The following GNL1 variants were observed in gnomAD, a reference collection of about 807,000 sequenced individuals.
The protein encoded by GNL1 is guanine nucleotide-binding protein-like 1.
A neutral mutation model predicts 75.2 loss-of-function variants in GNL1; 21 were observed. The ratio of observed to expected loss-of-function variants is 0.28; its 90% CI spans 0.20 to 0.40. GNL1 has a LOEUF of 0.40. Ranked by LOEUF, GNL1 falls within the 10% of genes least tolerant of loss-of-function variation. GNL1 has a pLI of 1.00. For synonymous variants in GNL1, 287 were observed against 303.4 expected (o/e 0.95, Z 0.56); for missense variants, 579 against 775.0 (o/e 0.75, Z 3.00).
rs5875263 is a variant in GNL1 at position 30,548,995 on chromosome 6, G to GTT, written c.1100-1467_1100-1466dup. 0.035 allele frequency among the ~76,000 whole-genome samples: 5,286 copies of GTT among 151,654 alleles called. 207 individuals are homozygous for GTT. Among genetic ancestry groups the GTT allele is most frequent in the African/African-American group, 0.094 (3,881 of 41,332 alleles). On this transcript the variant is annotated intron_variant, in intron 8 of 11. Coordinates refer to ENST00000376621, the MANE Select transcript of GNL1 (RefSeq NM_005275.5). This position sits in a 1 kb window ranked among gnomAD's most constrained non-coding sequence, Gnocchi z 4.2. The stretch of plus-strand genomic sequence containing the variant: ...GTGACAACATGTTCCATCTGTCCTT[G>GTT]TTTTTTTTGTTTTTGTTTTTGAGAC...
chr6:30,544,342 A>G lies in GNL1; in HGVS notation c.*1730T>C, dbSNP rs1799333864. 1 of 152,260 alleles carries G rather than the reference A, an allele frequency of 6.6e-6. No homozygotes were observed. The highest frequency in any genetic ancestry group is 6.5e-5 in the Admixed American group (1 of 15,282). The allele number at this position is 152,260 out of a possible 1,614,324, so 9.4% of individuals were successfully genotyped here. A position where few individuals can be genotyped will look rare whatever the true frequency, so the allele number is the denominator to read the frequency against. On this transcript the variant is annotated 3_prime_UTR_variant, in exon 12 of 12. Transcript: ENST00000376621. ...ACAAGCAAAGATAAACAGCACAGGA[A>G]GCAGAGGTACAAATAGAATTCTGAT...
rs1799574526 is a variant in GNL1, at chr6:30,548,498, C to T, written c.1100-968G>A. ...TTGACCCCTGACCTTAACACAGTAA[C>T]ACTATGCAATACCCAACTCGTGTCC... On this transcript the variant is annotated intron_variant, in intron 8 of 11. Transcript: ENST00000376621. This position sits in a 1 kb window ranked among gnomAD's most constrained non-coding sequence, Gnocchi z 4.2. 6.6e-6 allele frequency among the ~76,000 whole-genome samples: 1 copy of T among 152,172 alleles called. No homozygotes were observed. Among genetic ancestry groups the T allele is most frequent in the Non-Finnish European group, 1.5e-5 (1 of 68,032 alleles).
At position 30,547,436 on chromosome 6, in the gene GNL1, A is replaced by G; in HGVS notation, c.1194T>C (p.Phe398=). 10 of 1,614,012 alleles carry G rather than the reference A, an allele frequency of 6.2e-6. No homozygotes were observed. The highest frequency in any genetic ancestry group is 8.5e-6 in the Non-Finnish European group (10 of 1,179,952). The change falls in exon 9 of 12, where the codon TTT becomes TTC. Residue 398 remains phenylalanine (F), a synonymous_variant. Coordinates refer to ENST00000376621, the MANE Select transcript of GNL1 (RefSeq NM_005275.5). The surrounding 1 kb of genome is among the most constrained non-coding windows in gnomAD (Gnocchi z 5.5). ...CAGAGGGGGTAAGAAAGTAGGTCTG[A>G]AAGTATCGGGTATGGCCCGGGGTTC... The part of the protein sequence containing the change: ...VSRTPGHTRY[F]QTYFLTPSVK...
rs375873464 is a variant in GNL1 at position 30,546,821 on chromosome 6, C to T, written c.1457G>A (p.Arg486His). Residue 486 changes from arginine (R) to histidine (H), a missense_variant, in exon 11 of 12, where the codon CGT becomes CAT. Physicochemically the swap from Arg to His is conservative, Grantham distance 29. Coordinates refer to ENST00000376621, the MANE Select transcript of GNL1 (RefSeq NM_005275.5). This position sits in a 1 kb window ranked among gnomAD's most constrained non-coding sequence, Gnocchi z 5.1. ...WDICEAWAEK[R>H]GYKTAKAARN... ...AGCCGCCTTGGCTGTCTTGTAACCA[C>T]GTTTCTCTGCCCAGGCTGGAGGAAG... The T allele has an allele frequency of 4.4e-6, 7 of 1,590,480 alleles. No individual in the cohort carries two copies. The highest frequency in any genetic ancestry group is 1.1e-5 in the South Asian group (1 of 90,068).
Position 30,547,038 on chromosome 6 carries a change from A to G in GNL1, c.1441+74T>C, listed in dbSNP as rs1582493885. The G allele has an allele frequency of 7.4e-7, 1 of 1,349,058 alleles. No homozygotes were observed. Among genetic ancestry groups the G allele is most frequent in the Non-Finnish European group, 1.1e-6 (1 of 942,266 alleles). The allele number at this position is 1,349,058 out of a possible 1,614,324, so 83.6% of individuals were successfully genotyped here. ...TCTGAGGAGAGGAAAGGAGACAGGG[A>G]AGGGTAAAAGGCGAGGCAGGTAAGG... On this transcript the variant is annotated intron_variant, in intron 10 of 11. Coordinates refer to ENST00000376621, the MANE Select transcript of GNL1 (RefSeq NM_005275.5). This position sits in a 1 kb window ranked among gnomAD's most constrained non-coding sequence, Gnocchi z 5.5.
At position 30,546,748 on chromosome 6, in the gene GNL1, C is replaced by A; in HGVS notation, c.1530G>T (p.Val510=). Residue 510 remains valine, a synonymous_variant, in exon 11 of 12, where the codon GTG becomes GTT. Transcript: ENST00000376621. The surrounding 1 kb of genome is among the most constrained non-coding windows in gnomAD (Gnocchi z 5.1). ...GAAAACACAGGCTGAGGCGGCCGTC[C>A]ACTGCCAGCCGCAAGAGACTGTTGG... is the stretch of plus-strand genomic sequence containing the variant. ...RAANSLLRLA[V]DGRLSLCFHP... The A allele has an allele frequency of 6.2e-7, 1 of 1,609,694 alleles. No individual in the cohort carries two copies. Among genetic ancestry groups the A allele is most frequent in the Middle Eastern group, 1.7e-4 (1 of 6,050 alleles).
In GNL1 at chr6:30,545,991, T is replaced by C. The variant is rs576201371; in HGVS notation, c.*81A>G. ...CAAAGCAAACAATCTTTATTCACAA[T>C]TGGGGTGGCAGAGGGGAGATACCCC... On this transcript the variant is annotated 3_prime_UTR_variant, in exon 12 of 12. Transcript: ENST00000376621. The C allele has an allele frequency of 1.8e-4, 174 of 950,086 alleles. No individual in the cohort carries two copies. The highest frequency in any genetic ancestry group is 2.7e-4 in the Non-Finnish European group (165 of 614,282). The allele number at this position is 950,086 out of a possible 1,614,324, so 58.9% of individuals were successfully genotyped here. A position where few individuals can be genotyped will look rare whatever the true frequency, so the allele number is the denominator to read the frequency against.
chr6:30,546,379 T>C lies in GNL1; in HGVS notation c.1583-66A>G, dbSNP rs1015392492. On this transcript the variant is annotated intron_variant, in intron 11 of 11. Transcript: ENST00000376621. This position sits in a 1 kb window ranked among gnomAD's most constrained non-coding sequence, Gnocchi z 5.1. The stretch of plus-strand genomic sequence containing the variant: ...AGCAAGAACTAAAGCCAAGGAAAGA[T>C]GGGGAAGAGGCAAAGACTAGGAATA... The C allele has an allele frequency of 4.2e-6, 4 of 960,796 alleles. No homozygotes were observed. Among genetic ancestry groups the C allele is most frequent in the South Asian group, 1.4e-5 (1 of 70,114 alleles). 59.5% of individuals were successfully genotyped at this position (960,796 alleles called of 1,614,324 possible).
Position 30,546,321 on chromosome 6 carries a change from A to T in GNL1, c.1583-8T>A, listed in dbSNP as rs773154531. On this transcript the variant is annotated splice_region_variant and splice_polypyrimidine_tract_variant and intron_variant, in intron 11 of 11. Coordinates refer to ENST00000376621, the MANE Select transcript of GNL1 (RefSeq NM_005275.5). This position sits in a 1 kb window ranked among gnomAD's most constrained non-coding sequence, Gnocchi z 5.1. ...GATGGGACTCCCAGGTGCCTGGGGA[A>T]CCAAAACAAGAAAAAAATGGAGGAG... 8 of 1,582,190 alleles carry T rather than the reference A, an allele frequency of 5.1e-6. No individual in the cohort carries two copies. In the East Asian group the frequency reaches 1.6e-4, roughly 31 times the overall value.
Position 30,556,372 on chromosome 6 carries a change from G to A in GNL1, c.-169C>T, listed in dbSNP as rs993142372. On this transcript the variant is annotated 5_prime_UTR_variant, in exon 1 of 12. Transcript: ENST00000376621. The surrounding 1 kb of genome is among the most constrained non-coding windows in gnomAD (Gnocchi z 5.7). ...AATTACCGCCGCGGCGGCGATGGAA[G>A]GCGGACGGGGGAGATATAGTCACTT... 5 of 683,234 alleles carry A rather than the reference G, an allele frequency of 7.3e-6. No individual in the cohort carries two copies. The highest frequency in any genetic ancestry group is 1.2e-5 in the Non-Finnish European group (5 of 401,052). The allele number at this position is 683,234 out of a possible 1,614,324, so 42.3% of individuals were successfully genotyped here.
intron 8 of GNL1, among the ~76,000 whole-genome samples, chr6:30,549,072 A>G (rs1040469506): frequency 6.6e-6 from 1 of 152,076 alleles, no homozygotes; most frequent in Non-Finnish European, 1.5e-5. Flanking sequence ...ATGTTGGCTC[A>G]CTACAACCTC....
At chr6:30,554,242 G>C (rs1225120489) in intron 5 of GNL1, among the ~76,000 whole-genome samples, 1 of 152,144 alleles carries the variant, frequency 6.6e-6, no homozygotes, top group Non-Finnish European at 1.5e-5. Context: ...AATGAGATAA[G>C]GAAGAAAGGG....
intron 8 of GNL1, among the ~76,000 whole-genome samples, chr6:30,551,372 A>T (rs1799767013): frequency 6.6e-6 from 1 of 152,146 alleles, no homozygotes; most frequent in Non-Finnish European, 1.5e-5. Context: ...TCTTCCAAAG[A>T]CAAAAAGGAC....
Position 30,556,368 on chromosome 6 carries a change from G to A in GNL1, c.-165C>T. 2 of 713,414 alleles carry A rather than the reference G, an allele frequency of 2.8e-6. No homozygotes were observed. Among genetic ancestry groups the A allele is most frequent in the Non-Finnish European group, 4.7e-6 (2 of 426,826 alleles). The allele number at this position is 713,414 out of a possible 1,614,324, so 44.2% of individuals were successfully genotyped here. Reference sequence around the variant, plus strand: ...ACAGAATTACCGCCGCGGCGGCGATGGAAGGCGGACGGGGGAGATATAGTC... The same window carrying A: ...ACAGAATTACCGCCGCGGCGGCGATAGAAGGCGGACGGGGGAGATATAGTC... On this transcript the variant is annotated 5_prime_UTR_variant, in exon 1 of 12. Transcript: ENST00000376621. This position sits in a 1 kb window ranked among gnomAD's most constrained non-coding sequence, Gnocchi z 5.7.
intron 8 of GNL1, among the ~76,000 whole-genome samples, chr6:30,551,431 A>G (rs80009048): frequency 6.6e-6 from 1 of 151,930 alleles, no homozygotes; most frequent in Non-Finnish European, 1.5e-5. Context: ...CCTACTCCAC[A>G]CTCCCAAATT....
chr6:30,553,289 CTCCCCTTTG>C lies in GNL1; in HGVS notation c.808+52_808+60del, dbSNP rs1473899862. 2.0e-6 allele frequency: 3 copies of C among 1,483,952 alleles called. No homozygotes were observed. In the African/African-American group the frequency reaches 4.2e-5, roughly 21 times the overall value. 91.9% of individuals were successfully genotyped at this position (1,483,952 alleles called of 1,614,324 possible). On this transcript the variant is annotated intron_variant, in intron 6 of 11. Coordinates refer to ENST00000376621, the MANE Select transcript of GNL1 (RefSeq NM_005275.5). ...CCCCTTGTCAATAAGCCTCTCTGTT[CTCCCCTTTG>C]TCCCCTGCCAACTCACCTCTCCCAA... is the stretch of plus-strand genomic sequence containing the variant.
intron 6 of GNL1, 54 bp downstream of exon 6, chr6:30,553,294 CTT>C (rs3214176): frequency 3.1e-6 from 3 of 975,730 alleles, no homozygotes; most frequent in Non-Finnish European, 4.3e-6. Flanking sequence ...CTGTTCTCCC[CTT>C]TGTCCCCTGC....
rs2127365826 is a variant in GNL1, at chr6:30,546,271, A to G, written c.1625T>C (p.Leu542Ser). Residue 542 changes from leucine (L) to serine (S), a missense_variant, in exon 12 of 12, where the codon TTG becomes TCG. By Grantham distance (145) the Leu-to-Ser change is moderately radical. Transcript: ENST00000376621. The surrounding 1 kb of genome is among the most constrained non-coding windows in gnomAD (Gnocchi z 5.1). ...ACCTGCTGGCCCCACCCTGCCCTGC[A>G]AAACCACCAGCTCCGTGGTCTCTGG... ...SHPETTELVV[L>S]QGRVGPAGDE... 6.3e-7 allele frequency: 1 copy of G among 1,595,970 alleles called. No homozygotes were observed. The highest frequency in any genetic ancestry group is 1.3e-5 in the African/African-American group (1 of 74,172).
At chr6:30,551,606 T>C (rs1799782204) in intron 8 of GNL1, among the ~76,000 whole-genome samples, 1 of 152,068 alleles carries the variant, frequency 6.6e-6, no homozygotes. Flanking sequence ...TAAGAGGAGA[T>C]TCTCCTTGGC....
Sources: gnomAD v4.1 joint callset for allele counts (sites outside exome capture counted in the v4.1 genomes callset) on GRCh38, gnomAD v4.1.1 for gene constraint, Gnocchi (gnomAD v3.1) non-coding constraint, MANE v1.5 for transcripts, NCBI Gene and HGNC (gene_info 2026-07-23, HGNC 2026-07-21) for gene names.